Variants in ARB2A observed in about 807,000 individuals in gnomAD.
ARB2A encodes ARB2 cotranscriptional regulator A, also known as cotranscriptional regulator ARB2A.
chr5:93,842,186 G>C, the ARB2A span, among the ~76,000 whole-genome samples: 11 of 152,176 alleles, frequency 7.2e-5, no homozygotes, highest in Admixed American at 3.9e-4. Context: ...AGGGGCACAA[G>C]AGGAAACTTT....
the ARB2A span, among the ~76,000 whole-genome samples, chr5:93,622,188 A>G: frequency 1.3e-5 from 2 of 152,368 alleles, no homozygotes; most frequent in South Asian, 2.1e-4. Context: ...AAAATTAAAA[A>G]TTAAAATAAT....
At chr5:94,066,621 C>T in the ARB2A span, among the ~76,000 whole-genome samples, 1 of 152,028 alleles carries the variant, frequency 6.6e-6, no homozygotes, top group Non-Finnish European at 1.5e-5. Context: ...ATAAAATCTA[C>T]CAAGATTGAA....
chr5:93,712,743 G>C, the ARB2A span, among the ~76,000 whole-genome samples: 5 of 152,118 alleles, frequency 3.3e-5, no homozygotes, highest in African/African-American at 1.2e-4. Context: ...ACATGGAATA[G>C]CCAAAGCCAT....
the ARB2A span, among the ~76,000 whole-genome samples, chr5:94,066,301 C>T: frequency 6.6e-6 from 1 of 151,506 alleles, no homozygotes; most frequent in Non-Finnish European, 1.5e-5. Context: ...AAACCAAACC[C>T]AAAATTAGAA....
At chr5:93,874,530 C>A in the ARB2A span, among the ~76,000 whole-genome samples, 1 of 152,184 alleles carries the variant, frequency 6.6e-6, no homozygotes, top group Non-Finnish European at 1.5e-5. Flanking sequence ...ATATACCTTG[C>A]TCTATGCATT....
At chr5:93,912,876 C>T in the ARB2A span, among the ~76,000 whole-genome samples, 1 of 151,596 alleles carries the variant, frequency 6.6e-6, no homozygotes, top group Non-Finnish European at 1.5e-5. Context: ...ATCTTCTATG[C>T]ATTTATTTTT....
chr5:93,719,034 T>C, the ARB2A span, among the ~76,000 whole-genome samples: 2 of 152,224 alleles, frequency 1.3e-5, no homozygotes, highest in East Asian at 1.9e-4. Context: ...ATCCTATCAT[T>C]TCTTTAAACT....
At chr5:93,805,019 C>A in the ARB2A span, 3 of 972,126 alleles carry the variant, frequency 3.1e-6, no homozygotes, top group Non-Finnish European at 3.7e-6. Flanking sequence ...GAAAAAAATA[C>A]ATCTTTAGAG....
At chr5:93,779,089 G>C in the ARB2A span, among the ~76,000 whole-genome samples, 1 of 121,426 alleles carries the variant, frequency 8.2e-6, no homozygotes, top group East Asian at 2.3e-4. Flanking sequence ...GGTCATTTCA[G>C]AGTGTGTGTG....
chr5:94,006,191 A>G, the ARB2A span, among the ~76,000 whole-genome samples: 8 of 152,206 alleles, frequency 5.3e-5, no homozygotes, highest in African/African-American at 1.9e-4. Flanking sequence ...TCATCTAATC[A>G]TGCTCAGCAA....
chr5:93,880,790 C>T, the ARB2A span, among the ~76,000 whole-genome samples: 4 of 151,740 alleles, frequency 2.6e-5, no homozygotes, highest in African/African-American at 9.7e-5. Context: ...CTAATGATCC[C>T]ATACCGTTAG....
the ARB2A span, among the ~76,000 whole-genome samples, chr5:93,986,460 G>T: frequency 6.6e-6 from 1 of 151,828 alleles, no homozygotes; most frequent in East Asian, 2.0e-4. Flanking sequence ...CCTCTGCCCG[G>T]CCGCCACGTC....
chr5:94,004,330 A>G, the ARB2A span, among the ~76,000 whole-genome samples: 75 of 152,252 alleles, frequency 4.9e-4, 1 homozygote, highest in African/African-American at 1.6e-3. Context: ...CATTAGAATT[A>G]AAAACTTTTG....
the ARB2A span, among the ~76,000 whole-genome samples, chr5:94,092,529 T>C: frequency 2.6e-5 from 4 of 152,210 alleles, no homozygotes; most frequent in African/African-American, 9.7e-5. Flanking sequence ...TATTTTTGTG[T>C]CTTTCATTTT....
At chr5:94,052,237 A>C in the ARB2A span, among the ~76,000 whole-genome samples, 1 of 152,152 alleles carries the variant, frequency 6.6e-6, no homozygotes, top group Non-Finnish European at 1.5e-5. Context: ...ATCAGGAGAG[A>C]AATACACTAC....
the ARB2A span, among the ~76,000 whole-genome samples, chr5:93,707,512 C>T: frequency 6.6e-6 from 1 of 150,962 alleles, no homozygotes; most frequent in Non-Finnish European, 1.5e-5. Flanking sequence ...TACAAGGGTA[C>T]AAATTTCTCT....
the ARB2A span, among the ~76,000 whole-genome samples, chr5:94,105,690 G>T: frequency 1.4e-5 from 2 of 147,020 alleles, no homozygotes; most frequent in Non-Finnish European, 3.0e-5. Flanking sequence ...TAAGCAAAAA[G>T]AAAAAAGCCA....
At chr5:93,733,512 T>G in the ARB2A span, 2 of 152,268 alleles carry the variant, frequency 1.3e-5, no homozygotes, top group African/African-American at 2.4e-5. Flanking sequence ...CACAATTATT[T>G]TCTTATAAAA....
chr5:94,047,470 G>A, the ARB2A span, among the ~76,000 whole-genome samples: 44 of 148,746 alleles, frequency 3.0e-4, no homozygotes, highest in East Asian at 8.4e-3. Flanking sequence ...TGGCGCCTGG[G>A]TGACAGAGTG....
Sources: gnomAD v4.1 joint callset for allele counts (sites outside exome capture counted in the v4.1 genomes callset) on GRCh38, gnomAD v4.1.1 for gene constraint, MANE v1.5 for transcripts, NCBI Gene and HGNC (gene_info 2026-07-23, HGNC 2026-07-21) for gene names.